The following PRKAR2A variants were observed in gnomAD, a reference collection of about 807,000 sequenced individuals.
PRKAR2A encodes the protein cAMP-dependent protein kinase type II-alpha regulatory subunit.
In PRKAR2A, 29 loss-of-function variants were observed where a neutral mutation model predicts 51.9. The ratio of observed to expected loss-of-function variants is 0.56; its 90% CI spans 0.42 to 0.76. PRKAR2A has a LOEUF of 0.76. Ranked by LOEUF, PRKAR2A falls within the 30% of genes least tolerant of loss-of-function variation. PRKAR2A has a pLI of 0.00. For synonymous variants in PRKAR2A, 178 were observed against 186.2 expected (o/e 0.96, Z 0.36); for missense variants, 445 against 512.1 (o/e 0.87, Z 1.26).
At chr3:48,784,530 C>T (rs1320919280) in intron 4 of PRKAR2A, among the ~76,000 whole-genome samples, 1 of 152,126 alleles carries the variant, frequency 6.6e-6, no homozygotes, top group East Asian at 1.9e-4. Flanking sequence ...TCAATACAGA[C>T]CAAACACAGA....
intron 1 of PRKAR2A, among the ~76,000 whole-genome samples, chr3:48,837,023 G>C (rs369379260): frequency 6.6e-6 from 1 of 152,046 alleles, no homozygotes; most frequent in Non-Finnish European, 1.5e-5. Context: ...AGCTACTTGG[G>C]AGGCTAAGGT....
rs1350264098 is a variant in PRKAR2A, at chr3:48,817,648, A to AAAAT, written c.263-9968_263-9965dup. On this transcript the variant is annotated intron_variant, in intron 1 of 10. Transcript: ENST00000265563. ...GGCAACAGGAACGAAACTCCATCTT[A>AAAAT]AAATAAATAAATAAATAAAATAAAT... Among the ~76,000 whole-genome samples the AAAAT allele has an allele frequency of 5.7e-4, 86 of 150,462 alleles. 2 individuals are homozygous for AAAAT. Among genetic ancestry groups the AAAAT allele is most frequent in the Non-Finnish European group, 2.8e-4 (19 of 67,600 alleles).
At chr3:48,840,854 G>A (rs1024738675) in intron 1 of PRKAR2A, among the ~76,000 whole-genome samples, 2 of 146,624 alleles carry the variant, frequency 1.4e-5, no homozygotes, top group East Asian at 4.1e-4. Flanking sequence ...GGGATTACAG[G>A]CATGAGCCAC....
At chr3:48,831,792 T>C (rs1485275987) in intron 1 of PRKAR2A, among the ~76,000 whole-genome samples, 1 of 151,954 alleles carries the variant, frequency 6.6e-6, no homozygotes, top group African/African-American at 2.4e-5. Context: ...AATTTTTGTA[T>C]GTTTAGTAGA....
At chr3:48,807,583 G>GT (rs570065692) in intron 2 of PRKAR2A, 66 bp downstream of exon 2, 174 of 1,270,434 alleles carry the variant, frequency 1.4e-4, no homozygotes, top group Non-Finnish European at 1.7e-4. Context: ...CAAAATATCT[G>GT]TTTTTTCAAT....
intron 1 of PRKAR2A, among the ~76,000 whole-genome samples, chr3:48,836,236 A>G (rs1261347871): frequency 6.6e-6 from 1 of 151,418 alleles, no homozygotes; most frequent in Non-Finnish European, 1.5e-5. Flanking sequence ...TGACCAACAT[A>G]GTGAAACCCC....
intron 2 of PRKAR2A, among the ~76,000 whole-genome samples, chr3:48,806,657 A>G (rs1244877137): frequency 6.6e-6 from 1 of 152,180 alleles, no homozygotes; most frequent in East Asian, 1.9e-4. Flanking sequence ...ACTTGGATAG[A>G]AAGTTTACCC....
At chr3:48,791,903 CAAAAAAAA>C (rs1177374619) in intron 3 of PRKAR2A, among the ~76,000 whole-genome samples, 4 of 41,892 alleles carry the variant, frequency 9.5e-5, no homozygotes, top group South Asian at 1.6e-3. Flanking sequence ...AACTCTGTCT[CAAAAAAAA>C]AAAAAAAAAA....
At chr3:48,816,378 T>C (rs2082874509) in intron 1 of PRKAR2A, among the ~76,000 whole-genome samples, 1 of 152,208 alleles carries the variant, frequency 6.6e-6, no homozygotes, top group Admixed American at 6.5e-5. Flanking sequence ...GCTCAGCACA[T>C]GGCGGATTAA....
At chr3:48,829,859 A>G (rs2083153929) in intron 1 of PRKAR2A, among the ~76,000 whole-genome samples, 1 of 82,496 alleles carries the variant, frequency 1.2e-5, no homozygotes, top group African/African-American at 5.7e-5. Context: ...ATATATATAT[A>G]TATATATATA....
downstream of PRKAR2A, among the ~76,000 whole-genome samples, chr3:48,745,925 C>T (rs764361822): frequency 3.3e-5 from 5 of 152,094 alleles, no homozygotes; most frequent in South Asian, 4.1e-4. Context: ...CAGTCGAAGG[C>T]GTGAATAGAA....
chr3:48,791,190 G>A (rs1049289187), intron 3 of PRKAR2A, among the ~76,000 whole-genome samples: 1 of 150,174 alleles, frequency 6.7e-6, no homozygotes, highest in Non-Finnish European at 1.5e-5. Flanking sequence ...AGGAGGCTGA[G>A]GTAGGAGAAT....
intron 9 of PRKAR2A, among the ~76,000 whole-genome samples, chr3:48,753,268 T>C (rs2081692839): frequency 6.6e-6 from 1 of 151,732 alleles, no homozygotes; most frequent in Non-Finnish European, 1.5e-5. Flanking sequence ...TAAGATAATA[T>C]ACTACATTAT....
At chr3:48,794,979 C>CTTT (rs761295018) in intron 2 of PRKAR2A, among the ~76,000 whole-genome samples, 1 of 143,894 alleles carries the variant, frequency 6.9e-6, no homozygotes, top group South Asian at 2.2e-4. Context: ...TCTGAGGAAA[C>CTTT]TTTTTTTTTT....
At position 48,764,934 on chromosome 3, in the gene PRKAR2A, T is replaced by G. The variant is rs573051059; in HGVS notation, c.873+70A>C. ...GCCACTGCGTCCGGCAAGAAGTTTT[T>G]GAGATAAATGATGTACTAGTTCTTC... On this transcript the variant is annotated intron_variant, in intron 8 of 10. Coordinates refer to ENST00000265563, the MANE Select transcript of PRKAR2A (RefSeq NM_004157.4). 214 of 1,397,830 alleles carry G rather than the reference T, an allele frequency of 1.5e-4. 1 individual carries two copies. Among genetic ancestry groups the G allele is most frequent in the South Asian group, 7.1e-4 (60 of 84,434 alleles). The allele number at this position is 1,397,830 out of a possible 1,614,324, so 86.6% of individuals were successfully genotyped here.
At position 48,751,306 on chromosome 3, in the gene PRKAR2A, G is replaced by T. The variant is rs1203122790; in HGVS notation, c.*279C>A. 1 of 579,542 alleles carries T rather than the reference G, an allele frequency of 1.7e-6. No homozygotes were observed. The highest frequency in any genetic ancestry group is 1.5e-5 in the South Asian group (1 of 65,676). 35.9% of individuals were successfully genotyped at this position (579,542 alleles called of 1,614,324 possible). On this transcript the variant is annotated 3_prime_UTR_variant, in exon 11 of 11. Coordinates refer to ENST00000265563, the MANE Select transcript of PRKAR2A (RefSeq NM_004157.4). The stretch of plus-strand genomic sequence containing the variant: ...TATCAGGCACTTAAATTGTTGGAGA[G>T]ACATGCCGTTTTGAACCAAAGATAT...
chr3:48,763,713 T>C (rs2081897159), intron 8 of PRKAR2A, among the ~76,000 whole-genome samples: 1 of 152,232 alleles, frequency 6.6e-6, no homozygotes, highest in African/African-American at 2.4e-5. Flanking sequence ...TTTAAGCCCA[T>C]CTCAAATGGC....
At chr3:48,829,871 A>ATATT (rs1297832658) in intron 1 of PRKAR2A, among the ~76,000 whole-genome samples, 73 of 87,724 alleles carry the variant, frequency 8.3e-4, no homozygotes, top group African/African-American at 3.6e-3. Context: ...ATATATATAT[A>ATATT]TTTTTTTTTT....
chr3:48,751,409 C>A lies in PRKAR2A; in HGVS notation c.*176G>T, dbSNP rs1274984162. On this transcript the variant is annotated 3_prime_UTR_variant, in exon 11 of 11. Transcript: ENST00000265563. ...AAGCAAAGTGGAGGTGTGGGTTGAA[C>A]CTCTGCCCATCCTTTAGTGCTGACT... 4 of 895,234 alleles carry A rather than the reference C, an allele frequency of 4.5e-6. No homozygotes were observed. The highest frequency in any genetic ancestry group is 7.1e-6 in the Non-Finnish European group (4 of 560,602). The allele number at this position is 895,234 out of a possible 1,614,324, so 55.5% of individuals were successfully genotyped here.
Sources: gnomAD v4.1 joint callset for allele counts (sites outside exome capture counted in the v4.1 genomes callset) on GRCh38, gnomAD v4.1.1 for gene constraint, MANE v1.5 for transcripts, NCBI Gene and HGNC (gene_info 2026-07-23, HGNC 2026-07-21) for gene names.